Variants in RGS3 observed in about 807,000 individuals in gnomAD.
RGS3 encodes the protein regulator of G protein signaling 3, also known as regulator of G-protein signalling 3.
A neutral mutation model predicts 132.6 loss-of-function variants in RGS3; 80 were observed. The ratio of observed to expected loss-of-function variants is 0.60; its 90% CI spans 0.50 to 0.73. The LOEUF is 0.73. Among genes scored for constraint, RGS3 ranks in the 30% least tolerant of loss-of-function variants. The pLI is 0.00. For missense variants in RGS3, 1,382 were observed against 1,530.8 expected (o/e 0.90, Z 1.62); for synonymous variants, 598 against 620.6 (o/e 0.96, Z 0.54).
chr9:113,461,392 T>C (rs1234316414), intron 1 of RGS3, among the ~76,000 whole-genome samples: 1 of 152,128 alleles, frequency 6.6e-6, no homozygotes, highest in Non-Finnish European at 1.5e-5. Context: ...ATAGGGCCAG[T>C]CTCTCCTGAA....
intron 18 of RGS3, among the ~76,000 whole-genome samples, chr9:113,533,572 A>T (rs1421250291): frequency 6.6e-6 from 1 of 152,224 alleles, no homozygotes; most frequent in Non-Finnish European, 1.5e-5. Context: ...AAAAGGAATT[A>T]TTAGTAAGGC....
At chr9:113,510,667 C>T (rs1257724048) in intron 14 of RGS3, among the ~76,000 whole-genome samples, 1 of 152,104 alleles carries the variant, frequency 6.6e-6, no homozygotes, top group Non-Finnish European at 1.5e-5. Context: ...GTTTCATTCC[C>T]CTCTGAGAGT....
intron 14 of RGS3, among the ~76,000 whole-genome samples, chr9:113,513,150 C>T (rs187216065): frequency 1.5e-4 from 23 of 152,186 alleles, no homozygotes; most frequent in African/African-American, 4.8e-4. Context: ...GAGCCGAGAT[C>T]GGCCACTGCA....
At chr9:113,498,328 T>G (rs974521386) in intron 10 of RGS3, among the ~76,000 whole-genome samples, 1 of 152,168 alleles carries the variant, frequency 6.6e-6, no homozygotes, top group African/African-American at 2.4e-5. Flanking sequence ...TGGAAGCATC[T>G]GGATCTTACT....
In RGS3 at chr9:113,505,429, G is replaced by A. The variant is rs1197219298; in HGVS notation, c.898-13G>A. 3.7e-6 allele frequency: 6 copies of A among 1,613,638 alleles called. No individual in the cohort carries two copies. Among genetic ancestry groups the A allele is most frequent in the Non-Finnish European group, 5.1e-6 (6 of 1,179,648 alleles). ...CCAGCTTCTGGCAGTGACCGGGCAG[G>A]GCTGTGTCCTAGATCACCATCCCGA... On this transcript the variant is annotated splice_polypyrimidine_tract_variant and intron_variant, in intron 10 of 24. Coordinates refer to ENST00000350696, the Ensembl canonical transcript of RGS3.
chr9:113,469,813 C>T (rs1829772101), intron 3 of RGS3, among the ~76,000 whole-genome samples: 1 of 151,110 alleles, frequency 6.6e-6, no homozygotes, highest in African/African-American at 2.4e-5. Context: ...TTTATATTTA[C>T]TTTGCATTTT....
intron 18 of RGS3, among the ~76,000 whole-genome samples, chr9:113,532,044 G>C (rs1832491650): frequency 6.6e-6 from 1 of 152,200 alleles, no homozygotes; most frequent in South Asian, 2.1e-4. Flanking sequence ...AAATGCACAG[G>C]TCTGTGCCCA....
intron 7 of RGS3, among the ~76,000 whole-genome samples, chr9:113,494,450 C>A (rs1830620348): frequency 6.6e-6 from 1 of 152,086 alleles, no homozygotes; most frequent in Admixed American, 6.5e-5. Context: ...CTGATGTTAT[C>A]ATTATTATTT....
chr9:113,559,391 C>A (rs1833700995), intron 19 of RGS3, among the ~76,000 whole-genome samples: 1 of 152,238 alleles, frequency 6.6e-6, no homozygotes, highest in Admixed American at 6.5e-5. Context: ...CAAGGTCAGA[C>A]TGATACTGCT....
intron 19 of RGS3, among the ~76,000 whole-genome samples, chr9:113,552,310 C>CATTT (rs890738789): frequency 3.3e-5 from 5 of 151,894 alleles, no homozygotes; most frequent in African/African-American, 4.8e-5. Context: ...TCTTCTCATA[C>CATTT]ATTTATTTAT....
intron 1 of RGS3, among the ~76,000 whole-genome samples, chr9:113,461,152 G>A (rs1829462211): frequency 6.6e-6 from 1 of 152,106 alleles, no homozygotes; most frequent in Non-Finnish European, 1.5e-5. Context: ...ATATGTTGAG[G>A]TATGTGTATG....
chr9:113,565,032 T>G lies in RGS3; in HGVS notation c.2038-18418T>G, dbSNP rs1833932177. 9.0e-7 allele frequency: 1 copy of G among 1,113,810 alleles called. No homozygotes were observed. The highest frequency in any genetic ancestry group is 4.4e-5 in the Admixed American group (1 of 22,614). The allele number at this position is 1,113,810 out of a possible 1,614,324, so 69.0% of individuals were successfully genotyped here. A position where few individuals can be genotyped will look rare whatever the true frequency, so the allele number is the denominator to read the frequency against. ...AGCCTGGGAGCCCTCAGGATGTGTG[T>G]GGGGTGGAGCCTGCTAGGGATCCCA... On this transcript the variant is annotated intron_variant, in intron 19 of 24. Transcript: ENST00000350696. This position sits in a 1 kb window ranked among gnomAD's most constrained non-coding sequence, Gnocchi z 5.7.
intron 7 of RGS3, among the ~76,000 whole-genome samples, chr9:113,489,719 G>A (rs963609614): frequency 1.3e-5 from 2 of 148,470 alleles, no homozygotes; most frequent in African/African-American, 5.0e-5. Context: ...TTGTAGAGAC[G>A]ATGCCTTGCT....
exon 20 of RGS3, chr9:113,583,528 C>G (rs200165625): frequency 2.0e-5 from 33 of 1,614,106 alleles, no homozygotes; most frequent in Non-Finnish European, 5.1e-6. Context: ...GGATTCCCCA[C>G]CCAGCAAGGA....
rs191097412 is a variant in RGS3, at chr9:113,490,913, A to G, written c.690-4873A>G. Among the ~76,000 whole-genome samples, 666 of 119,396 alleles carry G rather than the reference A, an allele frequency of 5.6e-3. 52 individuals carry two copies. The highest frequency in any genetic ancestry group is 8.4e-3 in the Admixed American group (92 of 10,992). 78.3% of individuals were successfully genotyped at this position (119,396 alleles called of 152,430 possible). On this transcript the variant is annotated intron_variant, in intron 7 of 24. Transcript: ENST00000350696. ...TATAACCTAATTATAATTATATATC[A>G]GTATATATAATTATATATAACCTAA...
At chr9:113,481,373 C>A (rs1414937561) in intron 4 of RGS3, among the ~76,000 whole-genome samples, 4 of 152,204 alleles carry the variant, frequency 2.6e-5, no homozygotes, top group Admixed American at 2.0e-4. Flanking sequence ...GTCACCAGAC[C>A]TGGGTCCTGC....
At chr9:113,491,733 T>A (rs1001547071) in intron 7 of RGS3, among the ~76,000 whole-genome samples, 1 of 152,034 alleles carries the variant, frequency 6.6e-6, no homozygotes, top group African/African-American at 2.4e-5. Context: ...TTTGTATTTT[T>A]AGTAGAGACA....
At chr9:113,576,528 C>T (rs1322096216) in intron 19 of RGS3, among the ~76,000 whole-genome samples, 1 of 152,068 alleles carries the variant, frequency 6.6e-6, no homozygotes, top group African/African-American at 2.4e-5. Flanking sequence ...GACGGGGTTT[C>T]ACCATGTTGG....
chr9:113,520,870 C>T (rs1441805000), intron 16 of RGS3, among the ~76,000 whole-genome samples: 6 of 152,048 alleles, frequency 3.9e-5, no homozygotes, highest in African/African-American at 1.4e-4. Context: ...TGCTCCACCT[C>T]TTTGGTCTCT....
Sources: allele counts gnomAD v4.1 joint callset (sites outside exome capture counted in the v4.1 genomes callset), GRCh38; gene constraint gnomAD v4.1.1; non-coding constraint Gnocchi (gnomAD v3.1); transcripts MANE v1.5; gene names NCBI Gene and HGNC (gene_info 2026-07-23, HGNC 2026-07-21).